The following MARCHF5 variants were observed in gnomAD, a reference collection of about 807,000 sequenced individuals.
MARCHF5 encodes the protein E3 ubiquitin-protein ligase MARCHF5.
MARCHF5 carries 5 observed loss-of-function variants against 36.5 expected under a neutral mutation model. The observed-to-expected ratio is 0.14, with a 90% CI of 0.07 to 0.29. The LOEUF is 0.29. Ranked by LOEUF, MARCHF5 falls within the 10% of genes least tolerant of loss-of-function variation. The pLI is 1.00. For synonymous variants in MARCHF5, 103 were observed against 109.9 expected, an observed-to-expected ratio of 0.94 and a Z score of 0.39; for missense variants, 179 against 336.3, an observed-to-expected ratio of 0.53 and a Z score of 3.66.
intron 2 of MARCHF5, among the ~76,000 whole-genome samples, chr10:92,328,306 G>A (rs1197347125): frequency 4.8e-5 from 7 of 147,306 alleles, no homozygotes; most frequent in Non-Finnish European, 1.0e-4. Flanking sequence ...GGCTGTTGTA[G>A]TGTTTGCCAC....
Position 92,326,967 on chromosome 10 carries a change from G to A in MARCHF5, c.239-13706G>A, listed in dbSNP as rs78074430. ...TACTTGGTTATAAATTATAACTATC[G>A]TTATAAATTTCTGGTATTTCATTGC... On this transcript the variant is annotated intron_variant, in intron 2 of 5. Coordinates refer to ENST00000358935, the MANE Select transcript of MARCHF5 (RefSeq NM_017824.5). Among the ~76,000 whole-genome samples, 1,420 of 151,982 alleles carry A rather than the reference G, an allele frequency of 9.3e-3. 15 individuals are homozygous for A. The highest frequency in any genetic ancestry group is 0.02 in the Middle Eastern group (6 of 294).
chr10:92,332,989 C>T lies in MARCHF5; in HGVS notation c.239-7684C>T, dbSNP rs570213748. Among the ~76,000 whole-genome samples, 27 of 151,878 alleles carry T rather than the reference C, an allele frequency of 1.8e-4. No homozygotes were observed. In the South Asian group the frequency reaches 4.8e-3, roughly 27 times the overall value. On this transcript the variant is annotated intron_variant, in intron 2 of 5. Transcript: ENST00000358935. ...AGATCAGCCTGGGCATGTGAAACCA[C>T]GTCTCTACTAAAAATACAAAATTAG...
intron 2 of MARCHF5, among the ~76,000 whole-genome samples, chr10:92,330,956 A>C (rs1843428811): frequency 6.6e-6 from 1 of 152,266 alleles, no homozygotes; most frequent in South Asian, 2.1e-4. Context: ...GGAAGAAGAA[A>C]ATTCAGTGGT....
At chr10:92,345,697 C>CTTTTT (rs34971275) in intron 3 of MARCHF5, among the ~76,000 whole-genome samples, 2 of 123,632 alleles carry the variant, frequency 1.6e-5, no homozygotes, top group Non-Finnish European at 3.3e-5. Flanking sequence ...TTTTTTTTTT[C>CTTTTT]TTTTTTTTTT....
At chr10:92,315,098 A>C (rs1378456209) in intron 2 of MARCHF5, among the ~76,000 whole-genome samples, 3 of 152,214 alleles carry the variant, frequency 2.0e-5, no homozygotes, top group African/African-American at 7.2e-5. Context: ...TTTTCAATTC[A>C]AGTTTCAAAA....
At chr10:92,293,582 C>G (rs1328026272) in intron 1 of MARCHF5, among the ~76,000 whole-genome samples, 3 of 150,888 alleles carry the variant, frequency 2.0e-5, no homozygotes, top group African/African-American at 4.9e-5. Flanking sequence ...ACCAGCCTAG[C>G]CAACATGGTG....
chr10:92,291,266 G>T lies in MARCHF5; in HGVS notation c.-229G>T. 5.6e-6 allele frequency: 3 copies of T among 539,306 alleles called. No individual in the cohort carries two copies. Among genetic ancestry groups the T allele is most frequent in the Non-Finnish European group, 9.7e-6 (3 of 310,420 alleles). The allele number at this position is 539,306 out of a possible 1,614,324, so 33.4% of individuals were successfully genotyped here. Reference sequence around the variant, plus strand: ...GACGGGAACCCGGGCCGCGATCGCCGCCTCCCCGCCTCAGGCTCCTCCTCC... The same window carrying T: ...GACGGGAACCCGGGCCGCGATCGCCTCCTCCCCGCCTCAGGCTCCTCCTCC... On this transcript the variant is annotated 5_prime_UTR_variant, in exon 1 of 6. Coordinates refer to ENST00000358935, the MANE Select transcript of MARCHF5 (RefSeq NM_017824.5).
chr10:92,317,100 T>C (rs917205886), intron 2 of MARCHF5, among the ~76,000 whole-genome samples: 1 of 152,084 alleles, frequency 6.6e-6, no homozygotes, highest in Admixed American at 6.6e-5. Context: ...CTAGATTTAT[T>C]TTCTTTTATT....
chr10:92,350,113 A>G (rs10786037), intron 5 of MARCHF5: 207,650 of 339,064 alleles, frequency 0.61, 66,319 homozygotes, highest in African/African-American at 0.82. Context: ...GGATTACAGT[A>G]CTTTACGATC....
chr10:92,340,651 ACTT>A lies in MARCHF5; in HGVS notation c.239-18_239-16del, dbSNP rs748826990. ...AAAGTTCACCCTGTGTTGAACCTTT[ACTT>A]CTTTTCTGTGTGTTATAGGTCCAGT... On this transcript the variant is annotated intron_variant, in intron 2 of 5. Transcript: ENST00000358935. The A allele has an allele frequency of 5.1e-6, 8 of 1,577,362 alleles. No individual in the cohort carries two copies. Among genetic ancestry groups the A allele is most frequent in the Admixed American group, 1.9e-5 (1 of 51,760 alleles).
rs567928408 is a variant in MARCHF5, at chr10:92,322,960, T to G, written c.238+11623T>G. Among the ~76,000 whole-genome samples, 192 of 151,662 alleles carry G rather than the reference T, an allele frequency of 1.3e-3. 1 individual carries two copies. The highest frequency in any genetic ancestry group is 4.4e-3 in the African/African-American group (179 of 41,036). Reference sequence around the variant, plus strand: ...ACCATGTTGGCCAGGATGGTCTTGATCTCTTGACCTCGTGATCCACCCACC... The same window carrying G: ...ACCATGTTGGCCAGGATGGTCTTGAGCTCTTGACCTCGTGATCCACCCACC... On this transcript the variant is annotated intron_variant, in intron 2 of 5. Transcript: ENST00000358935.
chr10:92,295,169 C>G (rs1218543642), intron 1 of MARCHF5, among the ~76,000 whole-genome samples: 1 of 151,972 alleles, frequency 6.6e-6, no homozygotes, highest in Non-Finnish European at 1.5e-5. Context: ...TTGAACATAA[C>G]AAAAATGCCC....
chr10:92,329,391 TA>T (rs1384153109), intron 2 of MARCHF5, among the ~76,000 whole-genome samples: 9 of 152,316 alleles, frequency 5.9e-5, no homozygotes, highest in Admixed American at 5.9e-4. Flanking sequence ...ACTTAGATTG[TA>T]AAAGGGTACT....
chr10:92,331,482 A>G (rs1004297597), intron 2 of MARCHF5, among the ~76,000 whole-genome samples: 1 of 152,078 alleles, frequency 6.6e-6, no homozygotes, highest in Non-Finnish European at 1.5e-5. Context: ...AGTTTGTACC[A>G]TACTATCATA....
rs1554945659 is a variant in MARCHF5, at chr10:92,295,310, C to CTTTTTTTTT, written c.35+3785_35+3786insTTTTTTTTT. The stretch of plus-strand genomic sequence containing the variant: ...TTCAGGGTTTTTAAACTAGAGGCAA[C>CTTTTTTTTT]TTTTCTTTTTTTTTTTTTTTTTTTT... On this transcript the variant is annotated intron_variant, in intron 1 of 5. Transcript: ENST00000358935. Among the ~76,000 whole-genome samples, 5 of 26,242 alleles carry CTTTTTTTTT rather than the reference C, an allele frequency of 1.9e-4. 1 individual carries two copies. The highest frequency in any genetic ancestry group is 4.0e-4 in the African/African-American group (3 of 7,446). The allele number at this position is 26,242 out of a possible 152,430, so 17.2% of individuals were successfully genotyped here.
chr10:92,304,804 C>T (rs1361360926), intron 1 of MARCHF5, among the ~76,000 whole-genome samples: 1 of 152,102 alleles, frequency 6.6e-6, no homozygotes, highest in Non-Finnish European at 1.5e-5. Context: ...ATCCCCACCC[C>T]CTAAGTTTTT....
rs141586972 is a variant in MARCHF5 at position 92,307,244 on chromosome 10, C to CT, written c.36-3883dup. On this transcript the variant is annotated intron_variant, in intron 1 of 5. Coordinates refer to ENST00000358935, the MANE Select transcript of MARCHF5 (RefSeq NM_017824.5). Reference sequence around the variant, plus strand: ...GCATGCACGCACGTGCCCTCCCCTCCTTTTTTTTAGCCCTTAAGACTAGTC... The same window carrying CT: ...GCATGCACGCACGTGCCCTCCCCTCCTTTTTTTTTAGCCCTTAAGACTAGTC... Among the ~76,000 whole-genome samples, 152 of 149,348 alleles carry CT rather than the reference C, an allele frequency of 1.0e-3. 1 individual carries two copies. The highest frequency in any genetic ancestry group is 1.6e-3 in the Non-Finnish European group (108 of 67,238).
chr10:92,326,145 A>G (rs1398078820), intron 2 of MARCHF5, among the ~76,000 whole-genome samples: 1 of 152,174 alleles, frequency 6.6e-6, no homozygotes, highest in Non-Finnish European at 1.5e-5. Context: ...TTCCTGGGAG[A>G]AACCTTCCTA....
At chr10:92,300,028 G>A (rs1418571662) in intron 1 of MARCHF5, among the ~76,000 whole-genome samples, 1 of 151,986 alleles carries the variant, frequency 6.6e-6, no homozygotes, top group East Asian at 1.9e-4. Flanking sequence ...CAGTGTAGTG[G>A]TGCATGCCTA....
Sources: allele counts gnomAD v4.1 joint callset (sites outside exome capture counted in the v4.1 genomes callset), GRCh38; gene constraint gnomAD v4.1.1; transcripts MANE v1.5; gene names NCBI Gene and HGNC (gene_info 2026-07-23, HGNC 2026-07-21).